The following FSHR variants were observed in gnomAD, a reference collection of about 807,000 sequenced individuals.
FSHR encodes the protein follicle stimulating hormone receptor.
FSHR carries 46 observed loss-of-function variants against 52.1 expected under a neutral mutation model. The observed-to-expected ratio is 0.88, with a 90% CI of 0.70 to 1.13. FSHR has a LOEUF of 1.13. Among genes scored for constraint, FSHR ranks in the 50% most tolerant of loss-of-function variants. The pLI, the probability that FSHR is intolerant of heterozygous loss-of-function variation, is 0.00. For synonymous variants in FSHR, 399 were observed against 309.6 expected, an observed-to-expected ratio of 1.29 and a Z score of -3.03; for missense variants, 964 against 834.6, an observed-to-expected ratio of 1.16 and a Z score of -1.91.
At chr2:49,036,505 A>C (rs1332016746) in intron 2 of FSHR, among the ~76,000 whole-genome samples, 2 of 149,976 alleles carry the variant, frequency 1.3e-5, no homozygotes, top group Admixed American at 6.6e-5. Context: ...CTGTATATCT[A>C]TATCTATATC....
chr2:49,085,107 G>A (rs527360369), intron 1 of FSHR, among the ~76,000 whole-genome samples: 1 of 152,202 alleles, frequency 6.6e-6, no homozygotes, highest in Admixed American at 6.5e-5. Context: ...TAAAATACTG[G>A]CAAACTGAAT....
At chr2:49,036,357 A>T (rs1250152778) in intron 2 of FSHR, among the ~76,000 whole-genome samples, 1 of 151,806 alleles carries the variant, frequency 6.6e-6, no homozygotes, top group Non-Finnish European at 1.5e-5. Context: ...TTTTATGTTC[A>T]TTTATTTTAT....
At position 49,021,831 on chromosome 2, in the gene FSHR, T is replaced by TTTTCTCTCTCTCTCTCTC. The variant is rs760578631; in HGVS notation, c.225-1672_225-1671insGAGAGAGAGAGAGAGAAA. 7.3e-4 allele frequency among the ~76,000 whole-genome samples: 34 copies of TTTTCTCTCTCTCTCTCTC among 46,340 alleles called. 1 individual carries two copies. The highest frequency in any genetic ancestry group is 1.1e-3 in the East Asian group (1 of 942). 30.4% of individuals were successfully genotyped at this position (46,340 alleles called of 152,430 possible). A position where few individuals can be genotyped will look rare whatever the true frequency, so the allele number is the denominator to read the frequency against. On this transcript the variant is annotated intron_variant, in intron 2 of 9. Coordinates refer to ENST00000406846, the MANE Select transcript of FSHR (RefSeq NM_000145.4). Reference sequence around the variant, plus strand: ...ACATAAATAAGGGTGGGGTATGTGTTTCTCTCTCTCTCTCTCTCTCTCTCT... The same window carrying TTTTCTCTCTCTCTCTCTC: ...ACATAAATAAGGGTGGGGTATGTGTTTTTCTCTCTCTCTCTCTCTCTCTCTCTCTCTCTCTCTCTCTCT...
chr2:49,103,692 G>C (rs1671115940), intron 1 of FSHR, among the ~76,000 whole-genome samples: 1 of 152,072 alleles, frequency 6.6e-6, no homozygotes, highest in South Asian at 2.1e-4. Flanking sequence ...GGAAAGAGAG[G>C]GGAAAAGTCT....
intron 1 of FSHR, among the ~76,000 whole-genome samples, chr2:49,098,627 G>A (rs1244030581): frequency 6.6e-6 from 1 of 151,516 alleles, no homozygotes; most frequent in Non-Finnish European, 1.5e-5. Context: ...TGAATGGAGA[G>A]GAAGGCCTGA....
intron 2 of FSHR, among the ~76,000 whole-genome samples, chr2:49,022,011 A>G (rs13031121): frequency 0.26 from 38,146 of 147,902 alleles, 5,076 homozygotes; most frequent in East Asian, 0.3. Context: ...ATTGAGAAGG[A>G]GGGGGAAAGG....
chr2:49,142,454 GTCAAA>G (rs1435459783), intron 1 of FSHR, among the ~76,000 whole-genome samples: 2 of 152,140 alleles, frequency 1.3e-5, no homozygotes, highest in Non-Finnish European at 2.9e-5. Flanking sequence ...ACAGGAAGAG[GTCAAA>G]TCATGGGGTG....
At chr2:49,123,918 G>C (rs532714181) in intron 1 of FSHR, among the ~76,000 whole-genome samples, 2 of 152,228 alleles carry the variant, frequency 1.3e-5, no homozygotes, top group East Asian at 3.9e-4. Flanking sequence ...ATCTTGCTTA[G>C]CTATTAGGAG....
At chr2:49,069,071 C>T (rs138220084) in intron 1 of FSHR, among the ~76,000 whole-genome samples, 4 of 152,052 alleles carry the variant, frequency 2.6e-5, no homozygotes, top group African/African-American at 9.7e-5. Context: ...AATTGTCTCA[C>T]GCTTGCCTCA....
At chr2:49,013,952 A>C (rs946179184) in intron 4 of FSHR, among the ~76,000 whole-genome samples, 1 of 152,066 alleles carries the variant, frequency 6.6e-6, no homozygotes, top group Non-Finnish European at 1.5e-5. Context: ...CTCTCTGTGT[A>C]TATGCACCAA....
intron 2 of FSHR, among the ~76,000 whole-genome samples, chr2:49,061,684 T>C (rs954946064): frequency 2.8e-5 from 4 of 141,658 alleles, no homozygotes; most frequent in Admixed American, 7.1e-5. Context: ...TATATATAAC[T>C]ATATATTTAT....
chr2:49,071,330 T>A (rs13033004), intron 1 of FSHR, among the ~76,000 whole-genome samples: 1 of 151,960 alleles, frequency 6.6e-6, no homozygotes, highest in Non-Finnish European at 1.5e-5. Context: ...GGGAAAAATA[T>A]AGACTATCTT....
chr2:48,989,379 C>A (rs1212889374), intron 5 of FSHR, among the ~76,000 whole-genome samples: 1 of 150,622 alleles, frequency 6.6e-6, no homozygotes, highest in African/African-American at 2.4e-5. Context: ...ACCTCCCAGG[C>A]TCCAGTGATC....
rs1320721358 is a variant in FSHR at position 48,983,168 on chromosome 2, T to G, written c.525-2A>C. The G allele has an allele frequency of 6.2e-7, 1 of 1,613,852 alleles. No homozygotes were observed. The highest frequency in any genetic ancestry group is 2.2e-5 in the East Asian group (1 of 44,890). On this transcript the variant is annotated splice_acceptor_variant, in intron 6 of 9. Coordinates refer to ENST00000406846, the MANE Select transcript of FSHR (RefSeq NM_000145.4). LOFTEE classifies it high-confidence loss of function. ...TGAATCCCATTCTTATTCAGCCATCTGAAATAAAAGGCCTATTAAAAAACC... is the reference window on the plus strand; with the variant it reads ...TGAATCCCATTCTTATTCAGCCATCGGAAATAAAAGGCCTATTAAAAAACC...
chr2:49,101,516 A>T (rs1166726470), intron 1 of FSHR, among the ~76,000 whole-genome samples: 2 of 152,142 alleles, frequency 1.3e-5, no homozygotes, highest in East Asian at 3.9e-4. Flanking sequence ...AGAGAGAAAG[A>T]TTATGTCAAA....
chr2:49,001,585 G>C (rs1328557207), intron 4 of FSHR, among the ~76,000 whole-genome samples: 3 of 152,140 alleles, frequency 2.0e-5, no homozygotes, highest in Non-Finnish European at 4.4e-5. Flanking sequence ...TTGCAAAAGA[G>C]TTAATATTTT....
intron 2 of FSHR, among the ~76,000 whole-genome samples, chr2:49,065,436 G>C (rs1343639797): frequency 6.6e-6 from 1 of 152,084 alleles, no homozygotes; most frequent in Non-Finnish European, 1.5e-5. Flanking sequence ...GACTGGAGGA[G>C]CACCTTGGCA....
intron 1 of FSHR, among the ~76,000 whole-genome samples, chr2:49,152,532 T>C (rs546451082): frequency 2.0e-5 from 3 of 152,252 alleles, no homozygotes; most frequent in African/African-American, 7.2e-5. Context: ...CCCTCCATCT[T>C]TTCTCTTTTT....
intron 2 of FSHR, among the ~76,000 whole-genome samples, chr2:49,040,394 T>A (rs1459398725): frequency 6.6e-6 from 1 of 152,166 alleles, no homozygotes; most frequent in African/African-American, 2.4e-5. Context: ...CCAGAACTTA[T>A]CATCTTAATT....
Sources: gnomAD v4.1 joint callset for allele counts (sites outside exome capture counted in the v4.1 genomes callset) on GRCh38, gnomAD v4.1.1 for gene constraint, MANE v1.5 for transcripts, NCBI Gene and HGNC (gene_info 2026-07-23, HGNC 2026-07-21) for gene names.